The following RUNDC3A variants were observed in gnomAD, a reference collection of about 807,000 sequenced individuals.
The protein encoded by RUNDC3A is RUN domain containing 3A.
Under a neutral mutation model 53.9 loss-of-function variants are expected in RUNDC3A, and 28 were observed. The observed-to-expected ratio is 0.52, with a 90% CI of 0.38 to 0.71. RUNDC3A has a LOEUF of 0.71. RUNDC3A is among the 30% of genes least tolerant of loss of function. RUNDC3A has a pLI of 0.00. For synonymous variants in RUNDC3A, 232 were observed against 249.4 expected (o/e 0.93, Z 0.66); for missense variants, 491 against 597.3 (o/e 0.82, Z 1.85).
intron 5 of RUNDC3A, 37 bp downstream of exon 5, chr17:44,314,861 T>C: frequency 6.2e-7 from 1 of 1,613,882 alleles, no homozygotes; most frequent in Non-Finnish European, 8.5e-7. Flanking sequence ...GAGGGGGCTG[T>C]TTCCCCCATA....
At position 44,314,717 on chromosome 17, in the gene RUNDC3A, C is replaced by A; in HGVS notation, c.459-18C>A. 6.3e-7 allele frequency: 1 copy of A among 1,576,714 alleles called. No homozygotes were observed. Among genetic ancestry groups the A allele is most frequent in the Non-Finnish European group, 8.6e-7 (1 of 1,158,116 alleles). On this transcript the variant is annotated intron_variant, in intron 4 of 10. Transcript: ENST00000426726. ...TCCAGGGGCCTGCTGCATCCTCTGG[C>A]CCTCTGCCTCCCCACAGACGGTTCT...
chr17:44,313,670 G>C, intron 4 of RUNDC3A, 167 bp downstream of exon 4: 3 of 1,338,110 alleles, frequency 2.2e-6, no homozygotes, highest in Non-Finnish European at 2.9e-6. Context: ...GCAGTCCCAG[G>C]ACGAACTCTT....
At chr17:44,313,739 T>C (rs1310626771) in intron 4 of RUNDC3A, 7 of 1,247,418 alleles carry the variant, frequency 5.6e-6, no homozygotes, top group Non-Finnish European at 5.1e-6. Context: ...TGGAGTGCGA[T>C]GGCGCGATCT....
intron 4 of RUNDC3A, chr17:44,314,087 C>A: frequency 1.2e-5 from 12 of 993,532 alleles, no homozygotes; most frequent in Non-Finnish European, 1.4e-5. Flanking sequence ...GAGCCTCAGC[C>A]ATGCACCATC....
At position 44,318,251 on chromosome 17, in the gene RUNDC3A, G is replaced by A. The variant is rs577859344; in HGVS notation, c.*13G>A. ...GAGCCCCAGCTGAGGAACAGCATGG[G>A]CAGTGCCAGCCCCACCTGCCAGGGG... On this transcript the variant is annotated 3_prime_UTR_variant, in exon 11 of 11. Transcript: ENST00000426726. The A allele has an allele frequency of 5.2e-4, 804 of 1,545,832 alleles. No individual in the cohort carries two copies. Among genetic ancestry groups the A allele is most frequent in the Non-Finnish European group, 6.7e-4 (770 of 1,143,524 alleles).
chr17:44,316,303 C>A, intron 8 of RUNDC3A, 82 bp from the exon 9 acceptor site: 1 of 1,351,246 alleles, frequency 7.4e-7, no homozygotes, highest in Non-Finnish European at 1.0e-6. Context: ...TCATTCCTGA[C>A]CCCTCCCTCA....
chr17:44,314,801 C>G lies in RUNDC3A; in HGVS notation c.525C>G (p.Ile175Met). Reference sequence around the variant, plus strand: ...CCACCATCCTCACCGGAATGCTGATCGGACTGAGCGCCATCGACTTCAGGT... The same window carrying G: ...CCACCATCCTCACCGGAATGCTGATGGGACTGAGCGCCATCGACTTCAGGT... ...DEATILTGML[I>M]GLSAIDFSFC... is the part of the protein sequence containing the mutation. Residue 175 changes from isoleucine (I) to methionine (M), a missense_variant, in exon 5 of 11, where the codon ATC becomes ATG. By Grantham distance (10) the Ile-to-Met change is conservative (BLOSUM62 1). Transcript: ENST00000426726. 1.2e-6 allele frequency: 2 copies of G among 1,613,490 alleles called. No individual in the cohort carries two copies. The highest frequency in any genetic ancestry group is 1.7e-6 in the Non-Finnish European group (2 of 1,179,840).
In RUNDC3A at chr17:44,318,224, C is replaced by T. The variant is rs1187345969; in HGVS notation, c.1327C>T (p.Leu443=). The change falls in exon 11 of 11, where the codon CTG becomes TTG. Residue 443 remains leucine (L), a synonymous_variant. Coordinates refer to ENST00000426726, the MANE Select transcript of RUNDC3A (RefSeq NM_001144825.2). ...CGACAGTCCCGAGGGCAGCCCAGCACTGAGCCCCAGCTGAGGAACAGCATG... is the reference window on the plus strand; with the variant it reads ...CGACAGTCCCGAGGGCAGCCCAGCATTGAGCCCCAGCTGAGGAACAGCATG... ...VSDSPEGSPA[L]SPS The T allele has an allele frequency of 1.5e-5, 23 of 1,550,822 alleles. No individual in the cohort carries two copies. The highest frequency in any genetic ancestry group is 1.5e-5 in the Non-Finnish European group (17 of 1,146,848).
At position 44,318,117 on chromosome 17, in the gene RUNDC3A, T is replaced by C; in HGVS notation, c.1220T>C (p.Met407Thr). Residue 407 changes from methionine (M) to threonine (T), a missense_variant, in exon 11 of 11, where the codon ATG (methionine) becomes ACG (threonine). Coordinates refer to ENST00000426726, the MANE Select transcript of RUNDC3A (RefSeq NM_001144825.2). Reference protein sequence around the residue: ...GPIGKDPTPSMLGLCGSLASI... With the variant: ...GPIGKDPTPSTLGLCGSLASI... ...CCAGGGAAGGACCCCACGCCCTCCATGCTGGGCCTCTGCGGCTCCCTGGCC... is the reference window on the plus strand; with the variant it reads ...CCAGGGAAGGACCCCACGCCCTCCACGCTGGGCCTCTGCGGCTCCCTGGCC... 1 of 1,551,336 alleles carries C rather than the reference T, an allele frequency of 6.4e-7. No individual in the cohort carries two copies. The highest frequency in any genetic ancestry group is 8.7e-7 in the Non-Finnish European group (1 of 1,146,820).
Position 44,312,610 on chromosome 17 carries a change from C to T in RUNDC3A, c.138C>T (p.Tyr46=), listed in dbSNP as rs778063740. 2.0e-5 allele frequency: 32 copies of T among 1,579,826 alleles called. 1 individual carries two copies. In the Middle Eastern group the frequency reaches 6.6e-4, roughly 33 times the overall value. ...RFSVKTLLEK[Y]TAEPIDDSSE... is the part of the protein sequence containing the mutation. The stretch of plus-strand genomic sequence containing the variant: ...CTGTGAAAACGCTGCTGGAGAAGTA[C>T]ACAGCGGAGCCCATCGATGACTCAT... The change falls in exon 2 of 11, where the codon TAC becomes TAT. Residue 46 remains tyrosine (Y), a synonymous_variant. Transcript: ENST00000426726.
chr17:44,314,503 G>C, intron 4 of RUNDC3A: 1 of 1,415,888 alleles, frequency 7.1e-7, no homozygotes, highest in Non-Finnish European at 9.2e-7. Context: ...GATGAGGAAG[G>C]GGTAGCTCAG....
At chr17:44,311,170 C>T in intron 1 of RUNDC3A, 3 of 985,586 alleles carry the variant, frequency 3.0e-6, no homozygotes, top group South Asian at 4.7e-5. Flanking sequence ...CAAGGCAGTT[C>T]AACTCCAAGT....
Position 44,315,209 on chromosome 17 carries a change from C to T in RUNDC3A, c.684C>T (p.Ser228=). 6.4e-7 allele frequency: 1 copy of T among 1,554,768 alleles called. No homozygotes were observed. The highest frequency in any genetic ancestry group is 8.7e-7 in the Non-Finnish European group (1 of 1,148,954). Residue 228 remains serine, a synonymous_variant, in exon 7 of 11, where the codon AGC becomes AGT. Coordinates refer to ENST00000426726, the MANE Select transcript of RUNDC3A (RefSeq NM_001144825.2). This position sits in a 1 kb window ranked among gnomAD's most constrained non-coding sequence, Gnocchi z 6.1. ...GGCACAGCGCCGAGAGCAGCACGAGCGAGGACAACTCGCCCGAGCACCCGT... is the reference window on the plus strand; with the variant it reads ...GGCACAGCGCCGAGAGCAGCACGAGTGAGGACAACTCGCCCGAGCACCCGT... ...EERHSAESST[S]EDNSPEHPYL...
chr17:44,310,999 C>T, intron 1 of RUNDC3A: 13 of 985,508 alleles, frequency 1.3e-5, no homozygotes, highest in Non-Finnish European at 1.6e-5. Context: ...GGGCTCTCAA[C>T]CAAAATGTAA....
In RUNDC3A at chr17:44,315,150, C is replaced by T; in HGVS notation, c.630-5C>T. 6.3e-7 allele frequency: 1 copy of T among 1,578,722 alleles called. No individual in the cohort carries two copies. Among genetic ancestry groups the T allele is most frequent in the Non-Finnish European group, 8.6e-7 (1 of 1,161,862 alleles). ...CCGGCCGTGCCCACTGCTCCCTCTC[C>T]CAAGCTACGACTACCTGACGGACGA... is the stretch of plus-strand genomic sequence containing the variant. On this transcript the variant is annotated splice_polypyrimidine_tract_variant and splice_region_variant and intron_variant, in intron 6 of 10. Transcript: ENST00000426726. The surrounding 1 kb of genome is among the most constrained non-coding windows in gnomAD (Gnocchi z 6.1).
chr17:44,312,290 C>T (rs866053775), intron 1 of RUNDC3A, among the ~76,000 whole-genome samples: 12 of 152,230 alleles, frequency 7.9e-5, no homozygotes, highest in Middle Eastern at 3.4e-3. Context: ...TCCCTCTCAC[C>T]CCTTGCTCCC....
Position 44,315,480 on chromosome 17 carries a change from G to C in RUNDC3A, c.824G>C (p.Arg275Pro). The change falls in exon 8 of 11, where the codon CGC becomes CCC. Residue 275 changes from arginine to proline, a missense_variant. By Grantham distance (103) the Arg-to-Pro change is moderately radical (BLOSUM62 -2). Around this residue, in one of 2 missense-constraint regions of RUNDC3A, gnomAD observed 273 missense variants for 389.0 expected, o/e 0.70. Transcript: ENST00000426726. This position sits in a 1 kb window ranked among gnomAD's most constrained non-coding sequence, Gnocchi z 6.1. ...KGYLEELVRL[R>P]ESQLKDLEAE... ...TACCTGGAGGAGCTGGTGCGTCTGCGCGAGTCGCAGCTGAAGGACCTGGAG... is the reference window on the plus strand; with the variant it reads ...TACCTGGAGGAGCTGGTGCGTCTGCCCGAGTCGCAGCTGAAGGACCTGGAG... 6.6e-7 allele frequency: 1 copy of C among 1,504,804 alleles called. No individual in the cohort carries two copies. The highest frequency in any genetic ancestry group is 1.3e-5 in the South Asian group (1 of 79,138). The allele number at this position is 1,504,804 out of a possible 1,614,324, so 93.2% of individuals were successfully genotyped here. A position where few individuals can be genotyped will look rare whatever the true frequency, so the allele number is the denominator to read the frequency against.
At chr17:44,314,060 C>T (rs1029286600) in intron 4 of RUNDC3A, 1 of 993,148 alleles carries the variant, frequency 1.0e-6, no homozygotes, top group Non-Finnish European at 1.2e-6. Context: ...ACGCTCCACC[C>T]TTGCACACCT....
chr17:44,317,465 C>T (rs748054289), intron 10 of RUNDC3A: 1 of 780,824 alleles, frequency 1.3e-6, no homozygotes, highest in South Asian at 1.3e-5. Flanking sequence ...CATTGTTTCC[C>T]CCTTCTCTTT....
Sources: gnomAD v4.1 joint callset for allele counts (sites outside exome capture counted in the v4.1 genomes callset) on GRCh38, gnomAD v4.1.1 for gene constraint, gnomAD v4.1.1 regional missense constraint, Gnocchi (gnomAD v3.1) non-coding constraint, MANE v1.5 for transcripts, NCBI Gene and HGNC (gene_info 2026-07-23, HGNC 2026-07-21) for gene names.